The following RFX6 variants were observed in gnomAD, a reference collection of about 807,000 sequenced individuals.
The protein encoded by RFX6 is regulatory factor X6, also known as DNA-binding protein RFX6.
A neutral mutation model predicts 110.8 loss-of-function variants in RFX6; 50 were observed. The observed-to-expected ratio is 0.45, with a 90% confidence interval of 0.36 to 0.57. The LOEUF is 0.57. Ranked by LOEUF, RFX6 falls within the 20% of genes least tolerant of loss-of-function variation. The probability of loss-of-function intolerance (pLI) is 0.00; values close to 1 mark genes in which losing one functional copy is unlikely to be tolerated. For synonymous variants in RFX6, 383 were observed against 411.2 expected (o/e 0.93, Z 0.83); for missense variants, 990 against 1,127.0 (o/e 0.88, Z 1.74).
intron 4 of RFX6, 42 bp downstream of exon 4, chr6:116,882,470 T>G (rs752231413): frequency 7.3e-7 from 1 of 1,375,214 alleles, no homozygotes; most frequent in Non-Finnish European, 1.0e-6. Context: ...CTCTTGTGCA[T>G]GAAGATTGAC....
chr6:116,883,872 A>G (rs1308279135), intron 4 of RFX6, among the ~76,000 whole-genome samples: 1 of 152,102 alleles, frequency 6.6e-6, no homozygotes. Context: ...CTGACCTTTT[A>G]AAGTTGAGAT....
intron 9 of RFX6, among the ~76,000 whole-genome samples, chr6:116,916,638 A>AT (rs766898742): frequency 1.8e-4 from 27 of 151,928 alleles, no homozygotes; most frequent in Non-Finnish European, 3.8e-4. Flanking sequence ...AACACAGTGG[A>AT]TTTTTTTTCA....
In RFX6 at chr6:116,927,491, G is replaced by A. The variant is rs1266188779; in HGVS notation, c.2350G>A (p.Gly784Arg). The A allele has an allele frequency of 6.2e-7, 1 of 1,613,900 alleles. No homozygotes were observed. The highest frequency in any genetic ancestry group is 8.5e-7 in the Non-Finnish European group (1 of 1,180,002). The change falls in exon 17 of 19, where the codon GGA (glycine) becomes AGA (arginine). Residue 784 changes from glycine to arginine, a missense_variant. By Grantham distance (125) the Gly-to-Arg change is moderately radical. Around this residue, in one of 5 missense-constraint regions of RFX6, gnomAD observed 438 missense variants for 441.9 expected, o/e 0.99. Coordinates refer to ENST00000332958, the MANE Select transcript of RFX6 (RefSeq NM_173560.4). ...TGSFNFLSNT[G>R]AASCQGATLP... ...AAGCTTCAATTTCTTGAGCAACACA[G>A]GAGCTGCCAGCTGCCAAGGAGCAAC... is the stretch of plus-strand genomic sequence containing the variant.
At chr6:116,898,728 C>A (rs1431031573) in intron 6 of RFX6, among the ~76,000 whole-genome samples, 1 of 152,068 alleles carries the variant, frequency 6.6e-6, no homozygotes, top group East Asian at 1.9e-4. Context: ...ATTTTTGTGG[C>A]AGAAAGTTGA....
intron 6 of RFX6, among the ~76,000 whole-genome samples, chr6:116,908,637 TATA>T (rs1302602700): frequency 6.6e-6 from 1 of 151,622 alleles, no homozygotes; most frequent in Non-Finnish European, 1.5e-5. Context: ...ATATTCTTTG[TATA>T]ATGATTAAGT....
chr6:116,920,584 C>T, intron 12 of RFX6, 130 bp downstream of exon 12: 1 of 791,938 alleles, frequency 1.3e-6, no homozygotes, highest in Non-Finnish European at 2.2e-6. Flanking sequence ...TTGACCTTTA[C>T]CCATTAGATG....
intron 14 of RFX6, chr6:116,923,432 A>G: frequency 1.8e-6 from 1 of 566,610 alleles, no homozygotes; most frequent in Non-Finnish European, 3.2e-6. Context: ...GTCTCTGGCT[A>G]TGGGCCAATC....
chr6:116,904,554 TAC>T (rs1285477016), intron 6 of RFX6, among the ~76,000 whole-genome samples: 1 of 152,190 alleles, frequency 6.6e-6, no homozygotes, highest in Non-Finnish European at 1.5e-5. Flanking sequence ...TTTTTGAGTG[TAC>T]AGTTTTGTGG....
chr6:116,908,753 T>C (rs911874642), intron 6 of RFX6, among the ~76,000 whole-genome samples: 4 of 151,574 alleles, frequency 2.6e-5, no homozygotes, highest in Non-Finnish European at 1.5e-5. Context: ...TGAATGGTAG[T>C]GGATTTTAAA....
chr6:116,925,781 G>A, intron 16 of RFX6, 122 bp downstream of exon 16: 5 of 710,972 alleles, frequency 7.0e-6, no homozygotes, highest in Non-Finnish European at 1.2e-5. Flanking sequence ...GATCTTAACT[G>A]AGTTTTAATA....
chr6:116,890,195 T>A (rs1774791615), intron 4 of RFX6, among the ~76,000 whole-genome samples: 2 of 152,112 alleles, frequency 1.3e-5, no homozygotes, highest in South Asian at 4.1e-4. Context: ...AATTTTGCCT[T>A]CAAACCCATA....
At chr6:116,903,770 A>C (rs1371998787) in intron 6 of RFX6, among the ~76,000 whole-genome samples, 2 of 152,014 alleles carry the variant, frequency 1.3e-5, no homozygotes, top group African/African-American at 2.4e-5. Context: ...ATGCTGATAT[A>C]TGAAGTTCTA....
intron 3 of RFX6, 69 bp downstream of exon 3, chr6:116,880,736 A>C: frequency 6.5e-7 from 1 of 1,529,318 alleles, no homozygotes; most frequent in Non-Finnish European, 9.1e-7. Context: ...ATGAAAATGA[A>C]TTCATCTGTG....
intron 6 of RFX6, among the ~76,000 whole-genome samples, chr6:116,909,272 A>G (rs1318252698): frequency 6.6e-6 from 1 of 152,142 alleles, no homozygotes; most frequent in African/African-American, 2.4e-5. Flanking sequence ...ATGAATAAAC[A>G]TGACTTTCCA....
chr6:116,883,401 C>G (rs1774633758), intron 4 of RFX6, among the ~76,000 whole-genome samples: 1 of 152,038 alleles, frequency 6.6e-6, no homozygotes, highest in South Asian at 2.1e-4. Context: ...CTCCTTCTGC[C>G]CTGACATCAC....
At position 116,920,355 on chromosome 6, in the gene RFX6, G is replaced by T. The variant is rs1443668804; in HGVS notation, c.1228G>T (p.Val410Leu). The change falls in exon 12 of 19, where the codon GTG (valine) becomes TTG (leucine). Residue 410 changes from valine (V) to leucine (L), a missense_variant. Around this residue, in one of 5 missense-constraint regions of RFX6, gnomAD observed 243 missense variants for 353.1 expected, o/e 0.69. Transcript: ENST00000332958. ...LFDQHVVNSM[V>L]SDIERVDLNS... ...TGACCAGCATGTCGTTAATTCTATG[G>T]TGTCTGATATTGAAAGGGTTGATTT... 2.5e-6 allele frequency: 4 copies of T among 1,612,000 alleles called. No individual in the cohort carries two copies. Among genetic ancestry groups the T allele is most frequent in the Admixed American group, 1.7e-5 (1 of 59,982 alleles).
intron 6 of RFX6, among the ~76,000 whole-genome samples, chr6:116,905,952 C>CTA (rs35725069): frequency 0.71 from 108,253 of 151,680 alleles, 38,966 homozygotes; most frequent in East Asian, 0.88. Flanking sequence ...AACATGTTTC[C>CTA]TGTTTCCTTC....
At chr6:116,919,964 C>T (rs528682884) in intron 11 of RFX6, among the ~76,000 whole-genome samples, 1 of 152,254 alleles carries the variant, frequency 6.6e-6, no homozygotes, top group Middle Eastern at 3.4e-3. Flanking sequence ...ATTTTGTGAT[C>T]ATGGACAAAG....
chr6:116,901,342 TATTA>T (rs1047988492), intron 6 of RFX6, among the ~76,000 whole-genome samples: 6 of 129,454 alleles, frequency 4.6e-5, no homozygotes, highest in African/African-American at 1.4e-4. Context: ...CACATGTGAC[TATTA>T]ATTAAGTAAA....
Sources: gnomAD v4.1 joint callset for allele counts (sites outside exome capture counted in the v4.1 genomes callset) on GRCh38, gnomAD v4.1.1 for gene constraint, gnomAD v4.1.1 regional missense constraint, MANE v1.5 for transcripts, NCBI Gene and HGNC (gene_info 2026-07-23, HGNC 2026-07-21) for gene names.